Variants in ADGB observed in about 807,000 individuals in gnomAD.
The protein encoded by ADGB is calpain-7-like protein.
A neutral mutation model predicts 210.5 loss-of-function variants in ADGB; 172 were observed. The ratio of observed to expected loss-of-function variants is 0.82; its 90% CI spans 0.72 to 0.93. The LOEUF (loss-of-function observed/expected upper bound fraction) is 0.93. Among genes scored for constraint, ADGB ranks in the 40% least tolerant of loss-of-function variants. The probability of loss-of-function intolerance (pLI) is 0.00; values close to 1 mark genes in which losing one functional copy is unlikely to be tolerated. For missense variants in ADGB, 2,025 were observed against 1,964.8 expected (o/e 1.03, Z -0.58); for synonymous variants, 658 against 662.7 (o/e 0.99, Z 0.11).
chr6:146,720,151 C>A (rs1169270321), intron 16 of ADGB, among the ~76,000 whole-genome samples: 1 of 151,764 alleles, frequency 6.6e-6, no homozygotes, highest in Non-Finnish European at 1.5e-5. Flanking sequence ...GTGTGCCATC[C>A]CTCACAATTA....
intron 29 of ADGB, among the ~76,000 whole-genome samples, 168 bp from the exon 30 acceptor site, chr6:146,781,852 A>T (rs1016558085): frequency 6.6e-5 from 10 of 152,218 alleles, no homozygotes; most frequent in Non-Finnish European, 1.2e-4. Context: ...AATTATATGT[A>T]GATTTTATGA....
intron 33 of ADGB, among the ~76,000 whole-genome samples, chr6:146,798,433 T>C (rs1032181257): frequency 2.0e-5 from 3 of 152,108 alleles, no homozygotes; most frequent in African/African-American, 7.2e-5. Flanking sequence ...CTCAGACCGA[T>C]AAAGGCTAGT....
rs113281933 is a variant in ADGB, at chr6:146,645,488, G to C, written c.330+623G>C. On this transcript the variant is annotated intron_variant, in intron 3 of 35. Transcript: ENST00000397944. ...TTTGAATATATTTAGCTTTTCCAAG[G>C]GTTTAATTATGACTAATGCCTTTTT... 6.3e-3 allele frequency among the ~76,000 whole-genome samples: 960 copies of C among 151,726 alleles called. 7 individuals are homozygous for C. Among genetic ancestry groups the C allele is most frequent in the African/African-American group, 0.022 (905 of 41,322 alleles).
chr6:146,725,831 T>A (rs1776886937), intron 18 of ADGB: 1 of 327,998 alleles, frequency 3.0e-6, no homozygotes, highest in African/African-American at 2.1e-5. Flanking sequence ...CACTCCAGCA[T>A]GTACTGCAGA....
At chr6:146,738,017 G>A (rs1777105270) in intron 23 of ADGB, among the ~76,000 whole-genome samples, 1 of 152,126 alleles carries the variant, frequency 6.6e-6, no homozygotes, top group African/African-American at 2.4e-5. Flanking sequence ...CCTTATCCTA[G>A]CAGGCATTAA....
At chr6:146,715,230 A>G (rs982276545) in intron 13 of ADGB, among the ~76,000 whole-genome samples, 152 bp from the exon 14 acceptor site, 1 of 152,212 alleles carries the variant, frequency 6.6e-6, no homozygotes, top group Non-Finnish European at 1.5e-5. Context: ...TTAAAGTTAA[A>G]AACAAATTTT....
intron 5 of ADGB, among the ~76,000 whole-genome samples, chr6:146,657,963 T>A (rs1394969645): frequency 1.3e-5 from 2 of 152,224 alleles, no homozygotes; most frequent in Admixed American, 6.5e-5. Flanking sequence ...CTCTTTGGGT[T>A]TTTCTTGGCC....
At chr6:146,741,005 T>G (rs1777156754) in intron 24 of ADGB, 113 bp from the exon 25 acceptor site, 1 of 755,812 alleles carries the variant, frequency 1.3e-6, no homozygotes, top group Non-Finnish European at 1.9e-6. Context: ...TATGTGTGCC[T>G]TTTAGTTATT....
At chr6:146,775,541 T>G (rs1052734483) in intron 29 of ADGB, among the ~76,000 whole-genome samples, 1 of 152,162 alleles carries the variant, frequency 6.6e-6, no homozygotes. Context: ...TAATTACTGG[T>G]GTTGTGATTT....
chr6:146,800,001 G>T (rs1778102418), intron 33 of ADGB, among the ~76,000 whole-genome samples: 1 of 151,974 alleles, frequency 6.6e-6, no homozygotes, highest in African/African-American at 2.4e-5. Flanking sequence ...GTAGAGATGG[G>T]GTTTCACCAT....
chr6:146,695,898 A>G (rs929540043), intron 12 of ADGB, among the ~76,000 whole-genome samples: 1 of 152,066 alleles, frequency 6.6e-6, no homozygotes, highest in Non-Finnish European at 1.5e-5. Flanking sequence ...TGCCCTATTG[A>G]GAAGACCAGT....
chr6:146,763,302 C>A (rs949602472), intron 27 of ADGB, among the ~76,000 whole-genome samples: 7 of 152,176 alleles, frequency 4.6e-5, no homozygotes, highest in Non-Finnish European at 8.8e-5. Context: ...AGCCCAATGT[C>A]ATGGCTGGAA....
chr6:146,808,661 T>C (rs1778249984), intron 35 of ADGB, among the ~76,000 whole-genome samples: 1 of 152,240 alleles, frequency 6.6e-6, no homozygotes, highest in Non-Finnish European at 1.5e-5. Flanking sequence ...CAGGTGATTT[T>C]ACTTATCCTT....
At chr6:146,710,643 G>T (rs1349935076) in intron 13 of ADGB, among the ~76,000 whole-genome samples, 1 of 150,530 alleles carries the variant, frequency 6.6e-6, no homozygotes, top group Non-Finnish European at 1.5e-5. Context: ...AGAAAGCAGA[G>T]ATTAATAGGT....
Position 146,692,857 on chromosome 6 carries a change from G to C in ADGB, c.1519G>C (p.Glu507Gln), listed in dbSNP as rs1423017063. 1.9e-6 allele frequency: 3 copies of C among 1,541,264 alleles called. No individual in the cohort carries two copies. Among genetic ancestry groups the C allele is most frequent in the Non-Finnish European group, 1.8e-6 (2 of 1,140,434 alleles). The change falls in exon 12 of 36, where the codon GAG (glutamate) becomes CAG (glutamine). Residue 507 changes from glutamate (E) to glutamine (Q), a missense_variant. Physicochemically the swap from Glu to Gln is conservative, Grantham distance 29. Coordinates refer to ENST00000397944, the MANE Select transcript of ADGB (RefSeq NM_024694.4). ...LIVKKPERFLEISSPFLNYRM... is the reference protein window; with the variant it reads ...LIVKKPERFLQISSPFLNYRM... Reference sequence around the variant, plus strand: ...AGTAAAGAAGCCTGAACGGTTCCTTGAGATTTCAAGTCCATTTTTGAATTA... The same window carrying C: ...AGTAAAGAAGCCTGAACGGTTCCTTCAGATTTCAAGTCCATTTTTGAATTA...
chr6:146,786,809 T>A (rs1457396130), intron 32 of ADGB, among the ~76,000 whole-genome samples: 3 of 151,624 alleles, frequency 2.0e-5, no homozygotes, highest in African/African-American at 2.4e-5. Context: ...GATTTATTAT[T>A]TTTTTTATAT....
chr6:146,741,567 T>C (rs1005154108), intron 25 of ADGB, among the ~76,000 whole-genome samples: 1 of 152,182 alleles, frequency 6.6e-6, no homozygotes, highest in Admixed American at 6.5e-5. Flanking sequence ...ATGCTTAAAA[T>C]AGAAATGAAT....
intron 5 of ADGB, among the ~76,000 whole-genome samples, chr6:146,660,593 T>C (rs1480355641): frequency 6.6e-6 from 1 of 152,186 alleles, no homozygotes; most frequent in Non-Finnish European, 1.5e-5. Context: ...ATCTACTTTG[T>C]ATTCCATTGT....
chr6:146,749,430 A>G (rs145656287), intron 26 of ADGB, among the ~76,000 whole-genome samples: 545 of 152,302 alleles, frequency 3.6e-3, no homozygotes, highest in African/African-American at 0.012. Context: ...ATGTCTGTCA[A>G]TGGAAGCAAA....
Sources: allele counts gnomAD v4.1 joint callset (sites outside exome capture counted in the v4.1 genomes callset), GRCh38; gene constraint gnomAD v4.1.1; transcripts MANE v1.5; gene names NCBI Gene and HGNC (gene_info 2026-07-23, HGNC 2026-07-21).